Variants in VPS13B observed in about 807,000 individuals in gnomAD.
VPS13B encodes intermembrane lipid transfer protein VPS13B.
VPS13B carries 285 observed loss-of-function variants against 426.4 expected under a neutral mutation model. The observed-to-expected ratio is 0.67, with a 90% confidence interval of 0.61 to 0.74. The LOEUF is 0.74. Ranked by LOEUF, VPS13B falls within the 30% of genes least tolerant of loss-of-function variation. The pLI is 0.00. For missense variants in VPS13B, 4,537 were observed against 4,782.6 expected, an observed-to-expected ratio of 0.95 and a Z score of 1.51; for synonymous variants, 1,676 against 1,676.4, an observed-to-expected ratio of 1.00 and a Z score of 0.01.
chr8:99,151,528 T>C (rs1811078586), intron 14 of VPS13B, among the ~76,000 whole-genome samples: 1 of 152,036 alleles, frequency 6.6e-6, no homozygotes, highest in South Asian at 2.1e-4. Context: ...GAGTTGTTTA[T>C]AGTACTTCTT....
At chr8:99,233,078 G>T in intron 17 of VPS13B, 1 of 1,340,934 alleles carries the variant, frequency 7.5e-7, no homozygotes, top group South Asian at 1.2e-5. Context: ...GCGACTCCCT[G>T]AGGGTATTTC....
At chr8:99,221,915 A>G (rs1815747400) in intron 17 of VPS13B, among the ~76,000 whole-genome samples, 1 of 152,134 alleles carries the variant, frequency 6.6e-6, no homozygotes, top group African/African-American at 2.4e-5. Context: ...TCTTTTAGAG[A>G]CTCAGAGGCA....
intron 3 of VPS13B, among the ~76,000 whole-genome samples, chr8:99,055,662 T>C (rs1587973798): frequency 1.3e-5 from 2 of 152,306 alleles, no homozygotes; most frequent in Admixed American, 6.5e-5. Context: ...AGAATTGTTT[T>C]CTTAATTTCC....
chr8:99,782,432 A>G (rs1200139630), intron 42 of VPS13B, among the ~76,000 whole-genome samples: 1 of 152,054 alleles, frequency 6.6e-6, no homozygotes, highest in Non-Finnish European at 1.5e-5. Context: ...AGTGCTCTGA[A>G]GGTGAAATAT....
At chr8:99,316,275 G>A (rs144782840) in intron 19 of VPS13B, among the ~76,000 whole-genome samples, 1 of 152,282 alleles carries the variant, frequency 6.6e-6, no homozygotes, top group Non-Finnish European at 1.5e-5. Context: ...TGGGCCTAAT[G>A]GTGGCAACCA....
chr8:99,412,267 C>T (rs1027253129), intron 21 of VPS13B, among the ~76,000 whole-genome samples: 1 of 152,112 alleles, frequency 6.6e-6, no homozygotes, highest in Non-Finnish European at 1.5e-5. Flanking sequence ...TTGTAGTTCT[C>T]CTTGAAGAGG....
Position 99,518,486 on chromosome 8 carries a change from A to G in VPS13B, c.4634-2413A>G, listed in dbSNP as rs142493464. ...CTATTTGATCTTTTGCTATGGATGT[A>G]AAAATACTGTCTTTACTGTGACATC... On this transcript the variant is annotated intron_variant, in intron 29 of 61. Transcript: ENST00000357162. Among the ~76,000 whole-genome samples, 28 of 152,288 alleles carry G rather than the reference A, an allele frequency of 1.8e-4. No individual in the cohort carries two copies. In the East Asian group the frequency reaches 5.2e-3, roughly 28 times the overall value.
At chr8:99,360,846 G>C (rs1812520135) in intron 19 of VPS13B, among the ~76,000 whole-genome samples, 1 of 152,106 alleles carries the variant, frequency 6.6e-6, no homozygotes, top group Admixed American at 6.5e-5. Context: ...TTCTTGGGTA[G>C]ATTATATATT....
chr8:99,680,099 C>T lies in VPS13B; in HGVS notation c.6046+18608C>T, dbSNP rs544819274. On this transcript the variant is annotated intron_variant, in intron 35 of 61. Transcript: ENST00000357162. ...TTTATCTTTTGCAAATAAAATTCCA[C>T]AGGAAGAAACACTTAACAAAGAAGT... is the stretch of plus-strand genomic sequence containing the variant. Among the ~76,000 whole-genome samples the T allele has an allele frequency of 2.0e-5, 3 of 152,216 alleles. No homozygotes were observed. The East Asian group carries it at 5.8e-4, about 29-fold the overall frequency.
At position 99,183,747 on chromosome 8, in the gene VPS13B, T is replaced by C. The variant is rs1813070672; in HGVS notation, c.2334-9129T>C. On this transcript the variant is annotated intron_variant, in intron 16 of 61. Coordinates refer to ENST00000357162, the MANE Select transcript of VPS13B (RefSeq NM_152564.5). ...TCCTTAAGTAAACTATAAGTATTCA[T>C]TTTTAAAAAATGACTATATTGAGGT... Among the ~76,000 whole-genome samples, 2 of 152,124 alleles carry C rather than the reference T, an allele frequency of 1.3e-5. 1 individual carries two copies. The highest frequency in any genetic ancestry group is 1.3e-4 in the Admixed American group (2 of 15,266).
chr8:99,513,658 G>A (rs530999805), intron 29 of VPS13B, among the ~76,000 whole-genome samples: 106 of 152,118 alleles, frequency 7.0e-4, no homozygotes, highest in Non-Finnish European at 1.4e-3. Flanking sequence ...TTAATTTAGG[G>A]TTTCCTTCTT....
Position 99,642,503 on chromosome 8 carries a change from G to T in VPS13B, c.5908+5G>T. 6.2e-7 allele frequency: 1 copy of T among 1,609,282 alleles called. No individual in the cohort carries two copies. The highest frequency in any genetic ancestry group is 1.1e-5 in the South Asian group (1 of 90,840). ...CCTCTGATTACAAATGTATAGGTAA[G>T]AACCTTCAAACTTACTGGAGTGCTA... is the stretch of plus-strand genomic sequence containing the variant. On this transcript the variant is annotated splice_donor_5th_base_variant and intron_variant, in intron 34 of 61. Coordinates refer to ENST00000357162, the MANE Select transcript of VPS13B (RefSeq NM_152564.5).
At chr8:99,859,515 C>A in intron 57 of VPS13B, 35 bp downstream of exon 57, 1 of 1,596,364 alleles carries the variant, frequency 6.3e-7, no homozygotes, top group Non-Finnish European at 8.5e-7. Context: ...AATGCCTTCA[C>A]TCCTTCCCTT....
chr8:99,373,537 G>A (rs1015810051), intron 19 of VPS13B, among the ~76,000 whole-genome samples: 4 of 152,106 alleles, frequency 2.6e-5, no homozygotes, highest in Non-Finnish European at 1.5e-5. Flanking sequence ...AGACACATAA[G>A]TCAGATAGAA....
intron 23 of VPS13B, among the ~76,000 whole-genome samples, chr8:99,447,043 C>T (rs3134149): frequency 0.27 from 40,294 of 151,968 alleles, 6,082 homozygotes; most frequent in East Asian, 0.44. Flanking sequence ...TTTTAACTTA[C>T]GTGATTGCCT....
intron 61 of VPS13B, 52 bp downstream of exon 61, chr8:99,871,749 G>A: frequency 6.2e-7 from 1 of 1,610,456 alleles, no homozygotes; most frequent in East Asian, 2.2e-5. Flanking sequence ...GGAGGTTGAG[G>A]AGCAGGCTGG....
At chr8:99,226,606 GGAC>G (rs1816032365) in intron 17 of VPS13B, among the ~76,000 whole-genome samples, 3 of 152,056 alleles carry the variant, frequency 2.0e-5, no homozygotes, top group Non-Finnish European at 4.4e-5. Context: ...TCAAAATTAA[GGAC>G]ACTTCTTATG....
At position 99,192,862 on chromosome 8, in the gene VPS13B, G is replaced by A; in HGVS notation, c.2334-14G>A. 1.2e-6 allele frequency: 2 copies of A among 1,611,936 alleles called. No individual in the cohort carries two copies. Among genetic ancestry groups the A allele is most frequent in the East Asian group, 4.5e-5 (2 of 44,788 alleles). On this transcript the variant is annotated splice_polypyrimidine_tract_variant and intron_variant, in intron 16 of 61. Coordinates refer to ENST00000357162, the MANE Select transcript of VPS13B (RefSeq NM_152564.5). ...TATTTACTGTATTGCGATTCTTTCTGTTTTCTTGTGCAGGACCAAAAGATC... is the reference window on the plus strand; with the variant it reads ...TATTTACTGTATTGCGATTCTTTCTATTTTCTTGTGCAGGACCAAAAGATC...
At chr8:99,230,188 A>G (rs1376601364) in intron 17 of VPS13B, among the ~76,000 whole-genome samples, 1 of 152,012 alleles carries the variant, frequency 6.6e-6, no homozygotes, top group East Asian at 1.9e-4. Flanking sequence ...TTTTTTGCCT[A>G]TTCATAGCTC....
Sources: gnomAD v4.1 joint callset for allele counts (sites outside exome capture counted in the v4.1 genomes callset) on GRCh38, gnomAD v4.1.1 for gene constraint, MANE v1.5 for transcripts, NCBI Gene and HGNC (gene_info 2026-07-23, HGNC 2026-07-21) for gene names.